PTPRD: variants seen among roughly 807,000 people sequenced by gnomAD.
PTPRD encodes protein tyrosine phosphatase receptor type D, also known as receptor-type tyrosine-protein phosphatase delta.
In PTPRD, 34 loss-of-function variants were observed where a neutral mutation model predicts 214.5. The ratio of observed to expected loss-of-function variants is 0.16; its 90% CI spans 0.12 to 0.21. PTPRD has a LOEUF of 0.21. PTPRD is among the 10% of genes least tolerant of loss of function. PTPRD has a pLI of 1.00. For missense variants in PTPRD, 2,545 were observed against 2,398.7 expected, an observed-to-expected ratio of 1.06 and a Z score of -1.27; for synonymous variants, 1,128 against 845.7, an observed-to-expected ratio of 1.33 and a Z score of -5.79.
intron 5 of PTPRD, among the ~76,000 whole-genome samples, chr9:9,812,314 C>T (rs2047395144): frequency 6.6e-6 from 1 of 151,834 alleles, no homozygotes; most frequent in Non-Finnish European, 1.5e-5. Context: ...TGTAATAAGT[C>T]CTTGCCAATC....
intron 3 of PTPRD, among the ~76,000 whole-genome samples, chr9:10,092,641 G>C (rs1015430279): frequency 6.6e-6 from 1 of 151,194 alleles, no homozygotes; most frequent in African/African-American, 2.4e-5. Context: ...AGCCCAAATA[G>C]CCAAGTCAAT....
intron 3 of PTPRD, among the ~76,000 whole-genome samples, chr9:10,140,470 C>T (rs7466436): frequency 0.052 from 7,926 of 152,038 alleles, 311 homozygotes; most frequent in Admixed American, 0.1. Context: ...AGTATAAACA[C>T]CTCTACGCAA....
At position 8,455,937 on chromosome 9, in the gene PTPRD, C is replaced by T. The variant is rs2096180347; in HGVS notation, c.3875+4474G>A. On this transcript the variant is annotated intron_variant, in intron 33 of 45. Coordinates refer to ENST00000381196, the MANE Select transcript of PTPRD (RefSeq NM_002839.4). The stretch of plus-strand genomic sequence containing the variant: ...CCAGATAAAGGTCAGCCTCACCATA[C>T]ACCTGGGTACATATGTGGTACAAAT... Among the ~76,000 whole-genome samples, 3 of 152,224 alleles carry T rather than the reference C, an allele frequency of 2.0e-5. No individual in the cohort carries two copies. In the South Asian group the frequency reaches 6.2e-4, roughly 32 times the overall value.
intron 11 of PTPRD, among the ~76,000 whole-genome samples, chr9:8,850,362 A>G (rs886509899): frequency 1.3e-5 from 2 of 152,230 alleles, no homozygotes; most frequent in Non-Finnish European, 2.9e-5. Context: ...TGAAAATAAA[A>G]GAGTTTAGAA....
chr9:9,339,391 C>A (rs1229659321), intron 9 of PTPRD, among the ~76,000 whole-genome samples: 1 of 151,744 alleles, frequency 6.6e-6, no homozygotes, highest in African/African-American at 2.4e-5. Context: ...GAGGCTGAGG[C>A]AGGAGAATGG....
At chr9:9,489,785 C>T (rs2095821075) in intron 8 of PTPRD, among the ~76,000 whole-genome samples, 1 of 150,696 alleles carries the variant, frequency 6.6e-6, no homozygotes, top group South Asian at 2.1e-4. Flanking sequence ...TGAAGTGGAC[C>T]AATATACACA....
chr9:8,514,529 T>G (rs2097749623), intron 21 of PTPRD, among the ~76,000 whole-genome samples: 1 of 151,906 alleles, frequency 6.6e-6, no homozygotes. Context: ...AACTTAGTTT[T>G]TTTTTTTTTT....
chr9:8,940,309 G>GTCT (rs2154293878), intron 11 of PTPRD, among the ~76,000 whole-genome samples: 1 of 74,594 alleles, frequency 1.3e-5, no homozygotes, highest in South Asian at 5.2e-4. Context: ...TTGAGATGGA[G>GTCT]TCTTCCTCTG....
chr9:8,412,911 C>T (rs1458763903), intron 35 of PTPRD, among the ~76,000 whole-genome samples: 1 of 152,070 alleles, frequency 6.6e-6, no homozygotes, highest in Admixed American at 6.6e-5. Context: ...GAAACTTGAC[C>T]ACTCAGAAAA....
intron 3 of PTPRD, among the ~76,000 whole-genome samples, chr9:10,145,095 CAG>C (rs1266834186): frequency 5.9e-5 from 9 of 151,992 alleles, no homozygotes; most frequent in South Asian, 2.1e-4. Context: ...AAAATATCTA[CAG>C]AGTTACCCTG....
chr9:10,166,988 T>A (rs1045068410), intron 3 of PTPRD, among the ~76,000 whole-genome samples: 1 of 152,142 alleles, frequency 6.6e-6, no homozygotes, highest in African/African-American at 2.4e-5. Context: ...GAACTATTTA[T>A]GGAATTGATG....
At chr9:9,986,279 G>T (rs1447875585) in intron 4 of PTPRD, among the ~76,000 whole-genome samples, 2 of 152,004 alleles carry the variant, frequency 1.3e-5, no homozygotes, top group Admixed American at 1.3e-4. Flanking sequence ...AATAGTAAAA[G>T]GTGTAAACAT....
At chr9:10,244,260 G>A (rs1049137686) in intron 3 of PTPRD, among the ~76,000 whole-genome samples, 2 of 152,094 alleles carry the variant, frequency 1.3e-5, no homozygotes, top group African/African-American at 4.8e-5. Flanking sequence ...TCTTCATTGT[G>A]CTCTAATATT....
chr9:9,153,354 C>T (rs183252143), intron 10 of PTPRD, among the ~76,000 whole-genome samples: 3 of 152,074 alleles, frequency 2.0e-5, no homozygotes, highest in African/African-American at 4.8e-5. Flanking sequence ...GCGCTGTATA[C>T]GATATAACAG....
intron 8 of PTPRD, among the ~76,000 whole-genome samples, chr9:9,446,070 T>C (rs2090296631): frequency 6.6e-6 from 1 of 152,194 alleles, no homozygotes; most frequent in Admixed American, 6.5e-5. Flanking sequence ...TAAAGATTAT[T>C]TTATGAAAGC....
chr9:9,415,508 T>A (rs978905743), intron 8 of PTPRD, among the ~76,000 whole-genome samples: 4 of 151,988 alleles, frequency 2.6e-5, no homozygotes, highest in African/African-American at 4.8e-5. Context: ...AAAAAAATTT[T>A]AAAAAACCCT....
At chr9:8,818,872 C>T (rs1245044590) in intron 11 of PTPRD, among the ~76,000 whole-genome samples, 3 of 152,112 alleles carry the variant, frequency 2.0e-5, no homozygotes, top group Admixed American at 6.5e-5. Context: ...GCTGTTTGTT[C>T]GTACAACAGA....
chr9:10,260,442 G>C (rs988457951), intron 3 of PTPRD, among the ~76,000 whole-genome samples: 2 of 152,096 alleles, frequency 1.3e-5, no homozygotes, highest in Non-Finnish European at 2.9e-5. Flanking sequence ...GTTTCCCATA[G>C]GTAATCTCAA....
intron 3 of PTPRD, among the ~76,000 whole-genome samples, chr9:10,079,722 G>A (rs781483397): frequency 3.9e-5 from 6 of 152,088 alleles, no homozygotes; most frequent in Non-Finnish European, 5.9e-5. Flanking sequence ...GTCATTCTGC[G>A]AGTTGGCTTT....
Sources: allele counts gnomAD v4.1 joint callset (sites outside exome capture counted in the v4.1 genomes callset), GRCh38; gene constraint gnomAD v4.1.1; transcripts MANE v1.5; gene names NCBI Gene and HGNC (gene_info 2026-07-23, HGNC 2026-07-21).